NAALADL2: variants seen among roughly 807,000 people sequenced by gnomAD.
NAALADL2 encodes the protein N-acetylated alpha-linked acidic dipeptidase like 2.
NAALADL2 carries 76 observed loss-of-function variants against 87.2 expected under a neutral mutation model. That is an observed-to-expected ratio of 0.87 (90% confidence interval 0.72 to 1.05). NAALADL2 has a LOEUF of 1.05. NAALADL2 is among the 50% of genes least tolerant of loss of function. The pLI is 0.00. For synonymous variants in NAALADL2, 354 were observed against 331.0 expected (o/e 1.07, Z -0.75); for missense variants, 1,089 against 945.8 (o/e 1.15, Z -1.99).
intron 13 of NAALADL2, among the ~76,000 whole-genome samples, chr3:175,783,521 A>G (rs1406663382): frequency 6.6e-6 from 1 of 151,732 alleles, no homozygotes; most frequent in African/African-American, 2.4e-5. Flanking sequence ...ATTGGTGTAT[A>G]AGAATGCTTG....
intron 1 of NAALADL2, among the ~76,000 whole-genome samples, chr3:174,884,695 A>C (rs769263777): frequency 1.3e-5 from 2 of 151,920 alleles, no homozygotes; most frequent in African/African-American, 2.4e-5. Flanking sequence ...GCCTAATCCA[A>C]CTCCGTATTT....
At chr3:175,653,037 A>G (rs2149792563) in intron 11 of NAALADL2, among the ~76,000 whole-genome samples, 1 of 152,326 alleles carries the variant, frequency 6.6e-6, no homozygotes, top group East Asian at 1.9e-4. Context: ...AGCTAGAGAA[A>G]AGAAAATGCT....
chr3:175,710,860 A>G (rs904565525), intron 11 of NAALADL2, among the ~76,000 whole-genome samples: 2 of 151,892 alleles, frequency 1.3e-5, no homozygotes, highest in African/African-American at 4.8e-5. Flanking sequence ...CTAAAAACAG[A>G]TTTAATCTAC....
intron 11 of NAALADL2, among the ~76,000 whole-genome samples, chr3:175,667,205 AAG>A (rs1172708201): frequency 6.7e-5 from 8 of 119,750 alleles, no homozygotes; most frequent in South Asian, 2.5e-4. Context: ...GAAAGAAAGA[AAG>A]AAAGAAAGAA....
intron 1 of NAALADL2, among the ~76,000 whole-genome samples, chr3:174,874,571 G>A (rs1420828621): frequency 1.3e-5 from 2 of 152,106 alleles, no homozygotes; most frequent in African/African-American, 2.4e-5. Context: ...TATACTTGGG[G>A]CTCTAGGGTG....
intron 3 of NAALADL2, among the ~76,000 whole-genome samples, chr3:174,799,530 A>C (rs930546642): frequency 2.6e-5 from 4 of 152,206 alleles, no homozygotes; most frequent in Admixed American, 2.6e-4. Flanking sequence ...GCCTTCCACC[A>C]TGACTGTGAA....
intron 1 of NAALADL2, among the ~76,000 whole-genome samples, chr3:175,035,962 T>C (rs1038999679): frequency 8.5e-5 from 13 of 152,174 alleles, no homozygotes; most frequent in Non-Finnish European, 1.8e-4. Context: ...TGAATGCATT[T>C]AGCTTGTATA....
intron 1 of NAALADL2, among the ~76,000 whole-genome samples, chr3:174,544,960 T>C (rs1249184750): frequency 6.6e-6 from 1 of 152,024 alleles, no homozygotes; most frequent in Non-Finnish European, 1.5e-5. Context: ...ACTGCAGCCT[T>C]GATCTCCTAG....
chr3:175,429,560 T>C (rs1046019550), intron 5 of NAALADL2, among the ~76,000 whole-genome samples: 3 of 152,018 alleles, frequency 2.0e-5, no homozygotes, highest in Admixed American at 6.6e-5. Flanking sequence ...GTACAATTCA[T>C]TGGCATATAT....
chr3:175,269,648 G>C (rs942933977), intron 4 of NAALADL2, among the ~76,000 whole-genome samples: 1 of 152,200 alleles, frequency 6.6e-6, no homozygotes, highest in Non-Finnish European at 1.5e-5. Flanking sequence ...TCCTGTATAA[G>C]TAGGATGGTC....
chr3:175,330,599 T>C (rs750613262), intron 5 of NAALADL2, among the ~76,000 whole-genome samples: 17 of 151,900 alleles, frequency 1.1e-4, no homozygotes, highest in Admixed American at 6.6e-5. Flanking sequence ...GGAAAAAATA[T>C]TGAAACAAAT....
chr3:174,762,031 A>G (rs561139242), intron 3 of NAALADL2, among the ~76,000 whole-genome samples: 2 of 152,190 alleles, frequency 1.3e-5, no homozygotes, highest in African/African-American at 4.8e-5. Flanking sequence ...GGTATGTTCA[A>G]TGTCATGCCT....
At chr3:175,089,682 A>G (rs1719714584) in intron 1 of NAALADL2, among the ~76,000 whole-genome samples, 1 of 152,188 alleles carries the variant, frequency 6.6e-6, no homozygotes, top group Non-Finnish European at 1.5e-5. Context: ...TAAAAAAGAC[A>G]TTAATAGATT....
intron 4 of NAALADL2, among the ~76,000 whole-genome samples, chr3:175,258,939 T>G (rs1451234995): frequency 6.6e-6 from 1 of 152,196 alleles, no homozygotes; most frequent in African/African-American, 2.4e-5. Context: ...TAAGCACATG[T>G]GACAGAGAGC....
intron 9 of NAALADL2, among the ~76,000 whole-genome samples, chr3:175,573,259 G>A (rs867523056): frequency 6.6e-6 from 1 of 152,254 alleles, no homozygotes; most frequent in South Asian, 2.1e-4. Flanking sequence ...TTTCATTTAT[G>A]TTGAGTAGGA....
chr3:174,998,281 A>T (rs1028100396), intron 1 of NAALADL2, among the ~76,000 whole-genome samples: 2 of 152,308 alleles, frequency 1.3e-5, no homozygotes, highest in Admixed American at 6.5e-5. Context: ...AACATTTGTG[A>T]TCTATTCACT....
At chr3:175,567,330 C>T (rs572152525) in intron 9 of NAALADL2, among the ~76,000 whole-genome samples, 5 of 151,928 alleles carry the variant, frequency 3.3e-5, no homozygotes, top group African/African-American at 7.2e-5. Flanking sequence ...AAGAAAACAC[C>T]AGCTAGAAGC....
At chr3:174,981,154 C>A (rs1745058720) in intron 1 of NAALADL2, among the ~76,000 whole-genome samples, 2 of 152,110 alleles carry the variant, frequency 1.3e-5, no homozygotes, top group South Asian at 4.1e-4. Flanking sequence ...TGAGACTACA[C>A]AATTCACTTG....
chr3:175,452,896 T>G (rs960801232), intron 6 of NAALADL2, among the ~76,000 whole-genome samples: 4 of 152,080 alleles, frequency 2.6e-5, no homozygotes, highest in African/African-American at 9.7e-5. Context: ...AATTCTCTGT[T>G]TCCTGGGGAG....
Sources: gnomAD v4.1 joint callset for allele counts (sites outside exome capture counted in the v4.1 genomes callset) on GRCh38, gnomAD v4.1.1 for gene constraint, MANE v1.5 for transcripts, NCBI Gene and HGNC (gene_info 2026-07-23, HGNC 2026-07-21) for gene names.